Variants in JPT2 observed in about 807,000 individuals in gnomAD.
JPT2 encodes Jupiter microtubule associated homolog 2.
JPT2 carries 9 observed loss-of-function variants against 15.9 expected under a neutral mutation model. That is an observed-to-expected ratio of 0.57 (90% confidence interval 0.34 to 0.99). The LOEUF is 0.99. JPT2 is among the 50% of genes least tolerant of loss of function. JPT2 has a pLI of 0.02. For synonymous variants in JPT2, 95 were observed against 91.7 expected (o/e 1.04, Z -0.21); for missense variants, 267 against 252.1 (o/e 1.06, Z -0.40).
At chr16:1,702,224 G>A (rs1380322779), downstream of JPT2, 10 of 445,014 alleles carry the variant, frequency 2.2e-5, no homozygotes, top group African/African-American at 6.1e-5. Context: ...CTGCTAGATC[G>A]GGGCCAGATG....
chr16:1,692,290 C>T (rs1029700422), intron 3 of JPT2: 2 of 364,416 alleles, frequency 5.5e-6, no homozygotes, highest in Non-Finnish European at 1.0e-5. Context: ...CGGTGGGGAG[C>T]GGAACGTGCC....
chr16:1,689,002 G>A (rs1398572113), intron 2 of JPT2: 1 of 152,212 alleles, frequency 6.6e-6, no homozygotes, highest in Non-Finnish European at 1.5e-5. Flanking sequence ...TGGTAACCTT[G>A]GGTGAGAGTG....
At chr16:1,689,863 A>G (rs1175366158) in intron 2 of JPT2, 2 of 152,238 alleles carry the variant, frequency 1.3e-5, no homozygotes, top group African/African-American at 4.8e-5. Context: ...GTCTGGCCAC[A>G]GGACACTCTC....
chr16:1,702,699 C>A (rs575984224), downstream of JPT2, among the ~76,000 whole-genome samples: 3 of 152,332 alleles, frequency 2.0e-5, no homozygotes, highest in African/African-American at 7.2e-5. Context: ...AAGATCATCA[C>A]TGAAATACTC....
intron 3 of JPT2, among the ~76,000 whole-genome samples, chr16:1,694,015 G>T (rs1336561459): frequency 6.6e-6 from 1 of 152,096 alleles, no homozygotes; most frequent in African/African-American, 2.4e-5. Flanking sequence ...TCGTCACTGC[G>T]AAAGCGGGCA....
At chr16:1,678,425 G>T (rs2036990923) in intron 1 of JPT2, 69 bp downstream of exon 1, 1 of 1,214,624 alleles carries the variant, frequency 8.2e-7, no homozygotes, top group African/African-American at 1.6e-5. Flanking sequence ...CCAGCCCAGG[G>T]CGTCCACCAG....
chr16:1,693,411 AT>A (rs1456533613), intron 3 of JPT2, among the ~76,000 whole-genome samples: 1 of 152,188 alleles, frequency 6.6e-6, no homozygotes, highest in African/African-American at 2.4e-5. Flanking sequence ...TGTCTGAGTT[AT>A]TTTCAAGAGA....
At chr16:1,682,707 C>T (rs1596504779) in intron 1 of JPT2, among the ~76,000 whole-genome samples, 1 of 152,056 alleles carries the variant, frequency 6.6e-6, no homozygotes, top group Non-Finnish European at 1.5e-5. Flanking sequence ...AGGAGGGCTG[C>T]GTGATTCAAA....
intron 1 of JPT2, among the ~76,000 whole-genome samples, chr16:1,685,192 G>C (rs943946887): frequency 3.9e-5 from 6 of 151,944 alleles, no homozygotes; most frequent in African/African-American, 7.3e-5. Context: ...GCCAGCTGTG[G>C]TGGTGGGTGC....
Position 1,698,466 on chromosome 16 carries a change from G to A in JPT2, c.386-345G>A, listed in dbSNP as rs142423606. Among the ~76,000 whole-genome samples the A allele has an allele frequency of 1.3e-5, 2 of 152,218 alleles. No individual in the cohort carries two copies. Among genetic ancestry groups the A allele is most frequent in the South Asian group, 2.1e-4 (1 of 4,816 alleles). ...GCCCTCACCTAGGATGCATTCCCTCGCCGCCTCATGGTCACTCTCAGGGGC... is the reference window on the plus strand; with the variant it reads ...GCCCTCACCTAGGATGCATTCCCTCACCGCCTCATGGTCACTCTCAGGGGC... On this transcript the variant is annotated intron_variant, in intron 4 of 4. Transcript: ENST00000248098. This position sits in a 1 kb window ranked among gnomAD's most constrained non-coding sequence, Gnocchi z 4.9.
rs184603338 is a variant in JPT2 at position 1,699,842 on chromosome 16, G to A, written c.*844G>A. On this transcript the variant is annotated 3_prime_UTR_variant, in exon 5 of 5. Transcript: ENST00000248098. ...ACAGTTCTTCCCATAAATGAGGCCC[G>A]CTGACCTCTGCGGGACTTTAAAAAT... 22 of 267,544 alleles carry A rather than the reference G, an allele frequency of 8.2e-5. No individual in the cohort carries two copies. The highest frequency in any genetic ancestry group is 3.1e-4 in the African/African-American group (14 of 45,844). 16.6% of individuals were successfully genotyped at this position (267,544 alleles called of 1,614,324 possible).
chr16:1,688,609 C>T (rs1189575415), intron 2 of JPT2: 1 of 152,176 alleles, frequency 6.6e-6, no homozygotes, highest in Non-Finnish European at 1.5e-5. Context: ...TGCGGTGGCT[C>T]ACGCCTGTAA....
chr16:1,679,909 T>A (rs1176673489), intron 1 of JPT2, among the ~76,000 whole-genome samples: 1 of 151,616 alleles, frequency 6.6e-6, no homozygotes, highest in African/African-American at 2.4e-5. Context: ...ACGAAAAAAT[T>A]AGCCGGGTGT....
chr16:1,680,004 A>T (rs992128952), intron 1 of JPT2, among the ~76,000 whole-genome samples: 1 of 151,906 alleles, frequency 6.6e-6, no homozygotes, highest in Admixed American at 6.6e-5. Context: ...GCTTGCAGTG[A>T]GCCGAGATCA....
chr16:1,697,686 C>A, intron 3 of JPT2, 126 bp from the exon 4 acceptor site: 1 of 782,982 alleles, frequency 1.3e-6, no homozygotes, highest in East Asian at 2.5e-5. Flanking sequence ...TTGGGGGGGT[C>A]CTGAGGTCAG....
At position 1,698,922 on chromosome 16, in the gene JPT2, G is replaced by T; in HGVS notation, c.497G>T (p.Arg166Leu). The change falls in exon 5 of 5, where the codon CGG becomes CTG. Residue 166 changes from arginine to leucine, a missense_variant. Physicochemically the swap from Arg to Leu is moderately radical, Grantham distance 102 (BLOSUM62 -2). Transcript: ENST00000248098. The surrounding 1 kb of genome is among the most constrained non-coding windows in gnomAD (Gnocchi z 4.9). ...PMPTVDSHEP[R>L]LGPRPRSHNK... ...CCCACAGTCGACAGCCATGAGCCCC[G>T]GCTGGGGCCGCGGCCTCGCTCTCAC... is the stretch of plus-strand genomic sequence containing the variant. 1.2e-6 allele frequency: 2 copies of T among 1,614,218 alleles called. No individual in the cohort carries two copies. Among genetic ancestry groups the T allele is most frequent in the Non-Finnish European group, 8.5e-7 (1 of 1,180,042 alleles).
At chr16:1,680,451 C>T in intron 1 of JPT2, 1 of 1,231,202 alleles carries the variant, frequency 8.1e-7, no homozygotes, top group Non-Finnish European at 1.0e-6. Context: ...GAAAACTCTT[C>T]CTTTTAGGAT....
intron 2 of JPT2, among the ~76,000 whole-genome samples, chr16:1,687,614 T>C (rs907174140): frequency 1.3e-5 from 2 of 152,248 alleles, no homozygotes; most frequent in South Asian, 2.1e-4. Context: ...TCATGCCCAG[T>C]GGGGAGCCCG....
At chr16:1,683,076 A>T (rs1373532685) in intron 1 of JPT2, among the ~76,000 whole-genome samples, 2 of 152,140 alleles carry the variant, frequency 1.3e-5, no homozygotes, top group Admixed American at 6.5e-5. Context: ...TCCCGGGTTC[A>T]CGCCATTCTC....
Sources: gnomAD v4.1 joint callset for allele counts (sites outside exome capture counted in the v4.1 genomes callset) on GRCh38, gnomAD v4.1.1 for gene constraint, Gnocchi (gnomAD v3.1) non-coding constraint, MANE v1.5 for transcripts, NCBI Gene and HGNC (gene_info 2026-07-23, HGNC 2026-07-21) for gene names.